Variants in NCR2 observed in about 807,000 individuals in gnomAD.
NCR2 encodes the protein natural cytotoxicity triggering receptor 2.
Under a neutral mutation model 30.7 loss-of-function variants are expected in NCR2, and 35 were observed. The ratio of observed to expected loss-of-function variants is 1.14; its 90% CI spans 0.87 to 1.51. The LOEUF (loss-of-function observed/expected upper bound fraction) is 1.51, where lower values mean the gene tolerates loss of function less well. Among genes scored for constraint, NCR2 ranks in the 40% most tolerant of loss-of-function variants. The pLI, the probability that NCR2 is intolerant of heterozygous loss-of-function variation, is 0.00. For missense variants in NCR2, 316 were observed against 328.9 expected (o/e 0.96, Z 0.30); for synonymous variants, 146 against 134.8 (o/e 1.08, Z -0.58).
chr6:41,338,267 A>G (rs151273993), intron 2 of NCR2, among the ~76,000 whole-genome samples: 108 of 152,352 alleles, frequency 7.1e-4, no homozygotes, highest in Admixed American at 1.8e-3. Flanking sequence ...TTGGCATGCA[A>G]CAGTAGCTGT....
rs139244395 is a variant in NCR2 at position 41,343,852 on chromosome 6, A to G, written c.644+1703A>G. On this transcript the variant is annotated intron_variant, in intron 4 of 4. Coordinates refer to ENST00000373089, the MANE Select transcript of NCR2 (RefSeq NM_004828.4). ...GTGGAACCTTAGCACCAGTGACCCC[A>G]TTTTGGTTTGGGCTGTTGGGCCTAG... Among the ~76,000 whole-genome samples, 22 of 152,222 alleles carry G rather than the reference A, an allele frequency of 1.4e-4. No individual in the cohort carries two copies. In the East Asian group the frequency reaches 4.3e-3, roughly 29 times the overall value.
At position 41,336,031 on chromosome 6, in the gene NCR2, T is replaced by C. The variant is rs543004666; in HGVS notation, c.53-56T>C. ...GGTGGCTCTGTGGCCAGAGGCCTGC[T>C]GTGAGGCAGGTTGTGCGCGTGGCCT... is the stretch of plus-strand genomic sequence containing the variant. On this transcript the variant is annotated intron_variant, in intron 1 of 4. Coordinates refer to ENST00000373089, the MANE Select transcript of NCR2 (RefSeq NM_004828.4). The C allele has an allele frequency of 6.3e-6, 10 of 1,589,764 alleles. No homozygotes were observed. The Admixed American group carries it at 1.2e-4, about 19-fold the overall frequency.
chr6:41,346,112 A>T (rs530000801), intron 4 of NCR2, among the ~76,000 whole-genome samples: 1 of 151,958 alleles, frequency 6.6e-6, no homozygotes, highest in Non-Finnish European at 1.5e-5. Flanking sequence ...ATTCTGTACA[A>T]TCTGGGGCAC....
At chr6:41,339,044 T>C (rs961608256) in intron 2 of NCR2, among the ~76,000 whole-genome samples, 4 of 152,240 alleles carry the variant, frequency 2.6e-5, no homozygotes, top group Non-Finnish European at 4.4e-5. Flanking sequence ...TTCCGTTTTA[T>C]ATGTATATGC....
intron 4 of NCR2, among the ~76,000 whole-genome samples, chr6:41,347,015 C>T (rs1002417087): frequency 3.9e-5 from 6 of 152,356 alleles, no homozygotes; most frequent in African/African-American, 1.4e-4. Context: ...TCAAGCCAAT[C>T]ACTTTCCTTC....
intron 4 of NCR2, among the ~76,000 whole-genome samples, chr6:41,349,640 C>T (rs935896298): frequency 2.6e-5 from 4 of 152,310 alleles, no homozygotes; most frequent in Middle Eastern, 6.8e-3. Context: ...TGAACACATT[C>T]ATGTGCTGGG....
In NCR2 at chr6:41,339,140, C is replaced by T. The variant is rs182744251; in HGVS notation, c.395-2654C>T. Among the ~76,000 whole-genome samples the T allele has an allele frequency of 4.6e-5, 7 of 152,334 alleles. No individual in the cohort carries two copies. In the East Asian group the frequency reaches 1.3e-3, roughly 29 times the overall value. ...GCAGTGGTGCAATCTCGGCTCACTG[C>T]AACCTCCACCTCCAGGGTTCAAGCG... On this transcript the variant is annotated intron_variant, in intron 2 of 4. Transcript: ENST00000373089.
At chr6:41,343,133 G>A (rs1259011670) in intron 4 of NCR2, 1 of 890,912 alleles carries the variant, frequency 1.1e-6, no homozygotes, top group East Asian at 2.7e-5. Context: ...AAGGCCTTTA[G>A]CCACGCTCTC....
Position 41,346,883 on chromosome 6 carries a change from G to A in NCR2, c.645-3795G>A, listed in dbSNP as rs1328610537. On this transcript the variant is annotated intron_variant, in intron 4 of 4. Transcript: ENST00000373089. ...AATGAGAGGAAGAGAAAAAGAGGAG[G>A]GAAGAAGGAAAGAAGGAAAAGGGAG... 2.6e-5 allele frequency among the ~76,000 whole-genome samples: 4 copies of A among 151,690 alleles called. 1 individual carries two copies. The South Asian group carries it at 8.3e-4, about 31-fold the overall frequency.
intron 2 of NCR2, among the ~76,000 whole-genome samples, chr6:41,338,340 C>T (rs1031503327): frequency 6.6e-6 from 1 of 152,176 alleles, no homozygotes; most frequent in Non-Finnish European, 1.5e-5. Flanking sequence ...ATATATTCAC[C>T]TTATAAAATT....
Position 41,348,782 on chromosome 6 carries a change from A to T in NCR2, c.645-1896A>T, listed in dbSNP as rs1056412383. Among the ~76,000 whole-genome samples, 4 of 151,814 alleles carry T rather than the reference A, an allele frequency of 2.6e-5. No individual in the cohort carries two copies. The South Asian group carries it at 6.3e-4, about 24-fold the overall frequency. The stretch of plus-strand genomic sequence containing the variant: ...AGTGTTTTGTGACTGTCATTCTCTT[A>T]AAAAAAATGTGGATCTCCTGTAAAA... On this transcript the variant is annotated intron_variant, in intron 4 of 4. Transcript: ENST00000373089.
At chr6:41,345,052 CGCCCTGT>C (rs1769269033) in intron 4 of NCR2, among the ~76,000 whole-genome samples, 2 of 152,134 alleles carry the variant, frequency 1.3e-5, no homozygotes, top group Non-Finnish European at 2.9e-5. Context: ...CTCTCTGTGG[CGCCCTGT>C]GCCCTGAGCA....
intron 4 of NCR2, chr6:41,343,117 T>TG: frequency 8.8e-7 from 1 of 1,139,486 alleles, no homozygotes; most frequent in Non-Finnish European, 1.3e-6. Context: ...GGCCAGGACT[T>TG]GATCCAAGGC....
chr6:41,340,008 CTAACT>C (rs1769130231), intron 2 of NCR2, among the ~76,000 whole-genome samples: 1 of 152,000 alleles, frequency 6.6e-6, no homozygotes, highest in Admixed American at 6.6e-5. Context: ...CTATTCTACT[CTAACT>C]TAGCTAATCA....
intron 2 of NCR2, among the ~76,000 whole-genome samples, chr6:41,338,470 C>T (rs1327649229): frequency 2.0e-5 from 3 of 152,150 alleles, no homozygotes; most frequent in Non-Finnish European, 2.9e-5. Flanking sequence ...GACTTCTTAA[C>T]CTGGATGACA....
chr6:41,349,450 C>T (rs1441352260), intron 4 of NCR2, among the ~76,000 whole-genome samples: 5 of 152,130 alleles, frequency 3.3e-5, no homozygotes, highest in African/African-American at 1.2e-4. Flanking sequence ...TTAGTGTGCT[C>T]TTGGATGGGG....
chr6:41,338,712 A>T (rs1403821803), intron 2 of NCR2, among the ~76,000 whole-genome samples: 1 of 152,260 alleles, frequency 6.6e-6, no homozygotes, highest in Non-Finnish European at 1.5e-5. Context: ...TTGCCATGAA[A>T]AATACTTTGC....
At chr6:41,349,646 C>T (rs1769383587) in intron 4 of NCR2, among the ~76,000 whole-genome samples, 3 of 152,190 alleles carry the variant, frequency 2.0e-5, no homozygotes, top group South Asian at 2.1e-4. Flanking sequence ...CATTCATGTG[C>T]TGGGAGGTAT....
chr6:41,344,328 G>T (rs1236518500), intron 4 of NCR2, among the ~76,000 whole-genome samples: 1 of 152,150 alleles, frequency 6.6e-6, no homozygotes, highest in Admixed American at 6.5e-5. Context: ...GCACAAGCTG[G>T]TCAAGAGGCG....
Sources: allele counts gnomAD v4.1 joint callset (sites outside exome capture counted in the v4.1 genomes callset), GRCh38; gene constraint gnomAD v4.1.1; transcripts MANE v1.5; gene names NCBI Gene and HGNC (gene_info 2026-07-23, HGNC 2026-07-21).